Variants in SLC25A18 observed in about 807,000 individuals in gnomAD.
SLC25A18 encodes the protein mitochondrial glutamate carrier 2.
Under a neutral mutation model 31.1 loss-of-function variants are expected in SLC25A18, and 24 were observed. That is an observed-to-expected ratio of 0.77 (90% confidence interval 0.56 to 1.08). SLC25A18 has a LOEUF of 1.08. Ranked by LOEUF, SLC25A18 falls within the 50% of genes least tolerant of loss-of-function variation. The pLI is 0.00. For missense variants in SLC25A18, 371 were observed against 418.5 expected, an observed-to-expected ratio of 0.89 and a Z score of 0.99; for synonymous variants, 173 against 161.9, an observed-to-expected ratio of 1.07 and a Z score of -0.52.
At chr22:17,587,879 C>G in intron 8 of SLC25A18, 46 bp from the exon 9 acceptor site, 1 of 1,612,660 alleles carries the variant, frequency 6.2e-7, no homozygotes, top group Non-Finnish European at 8.5e-7. Flanking sequence ...TGGGTGGCAG[C>G]CCCAGGGCAG....
At chr22:17,577,978 CTTTT>C (rs695375) in intron 2 of SLC25A18, among the ~76,000 whole-genome samples, 1 of 133,662 alleles carries the variant, frequency 7.5e-6, no homozygotes, top group Non-Finnish European at 1.5e-5. Flanking sequence ...CGCCCTGCTT[CTTTT>C]TTTTTTTTTC....
Position 17,587,263 on chromosome 22 carries a change from G to A in SLC25A18, c.537G>A (p.Leu179=). The A allele has an allele frequency of 6.2e-7, 1 of 1,613,854 alleles. No individual in the cohort carries two copies. The highest frequency in any genetic ancestry group is 8.5e-7 in the Non-Finnish European group (1 of 1,180,016). ...GGGAGCTGCTCCGCACTCAGGGCCT[G>A]GCTGGGCTCTACAGGGGCCTGGGTG... ...IAWELLRTQG[L]AGLYRGLGAT... The change falls in exon 8 of 11, where the codon CTG becomes CTA. Residue 179 remains leucine, a synonymous_variant. Transcript: ENST00000327451.
At chr22:17,563,854 C>A in intron 1 of SLC25A18, 141 bp downstream of exon 1, 1 of 389,364 alleles carries the variant, frequency 2.6e-6, no homozygotes, top group Non-Finnish European at 3.5e-6. Context: ...AAACTGGACT[C>A]TAGTGAGGTG....
At chr22:17,565,017 G>A (rs2146197096) in intron 1 of SLC25A18, among the ~76,000 whole-genome samples, 1 of 152,202 alleles carries the variant, frequency 6.6e-6, no homozygotes, top group Non-Finnish European at 1.5e-5. Flanking sequence ...CCCTCGGGAT[G>A]CTCTTATTTC....
rs1037065921 is a variant in SLC25A18 at position 17,590,391 on chromosome 22, A to T, written c.*155A>T. 6 of 852,276 alleles carry T rather than the reference A, an allele frequency of 7.0e-6. No individual in the cohort carries two copies. Among genetic ancestry groups the T allele is most frequent in the African/African-American group, 5.1e-5 (3 of 59,054 alleles). 52.8% of individuals were successfully genotyped at this position (852,276 alleles called of 1,614,324 possible). On this transcript the variant is annotated 3_prime_UTR_variant, in exon 11 of 11. Coordinates refer to ENST00000327451, the MANE Select transcript of SLC25A18 (RefSeq NM_031481.3). ...CTCGGGAGAAACAGCCCTATATTCT[A>T]ACAAGTTGAGCACAGCCTTCTTCCC... is the stretch of plus-strand genomic sequence containing the variant.
chr22:17,587,989 G>A lies in SLC25A18; in HGVS notation c.640G>A (p.Glu214Lys), dbSNP rs1048012660. ...FANLNNLGFN[E>K]LAGKASFAHS... Reference sequence around the variant, plus strand: ...CAACCTTAACAACCTGGGGTTCAACGAGCTCGCCGGTAAGGCGTCCTTTGC... The same window carrying A: ...CAACCTTAACAACCTGGGGTTCAACAAGCTCGCCGGTAAGGCGTCCTTTGC... Residue 214 changes from glutamate to lysine, a missense_variant, in exon 9 of 11, where the codon GAG becomes AAG. Coordinates refer to ENST00000327451, the MANE Select transcript of SLC25A18 (RefSeq NM_031481.3). 1.9e-6 allele frequency: 3 copies of A among 1,614,174 alleles called. No individual in the cohort carries two copies. The highest frequency in any genetic ancestry group is 4.5e-5 in the East Asian group (2 of 44,884).
chr22:17,563,943 C>T (rs77238267), intron 1 of SLC25A18, among the ~76,000 whole-genome samples: 1,611 of 152,246 alleles, frequency 0.011, 12 homozygotes, highest in Middle Eastern at 0.02. Context: ...TGCAATCGTA[C>T]CGGGAGGGTG....
At chr22:17,572,815 G>C (rs1473991922) in intron 2 of SLC25A18, among the ~76,000 whole-genome samples, 1 of 150,820 alleles carries the variant, frequency 6.6e-6, no homozygotes, top group African/African-American at 2.5e-5. Context: ...CTAATTTTTT[G>C]TATTTTTAGT....
chr22:17,589,748 C>T, intron 10 of SLC25A18, 83 bp downstream of exon 10: 1 of 1,293,202 alleles, frequency 7.7e-7, no homozygotes, highest in Non-Finnish European at 1.1e-6. Flanking sequence ...TAGAGACCAA[C>T]TTGAATTGCT....
chr22:17,571,939 C>T (rs2057098511), intron 2 of SLC25A18, among the ~76,000 whole-genome samples: 1 of 151,838 alleles, frequency 6.6e-6, no homozygotes, highest in African/African-American at 2.4e-5. Context: ...ATCGCTTGAA[C>T]CTAGGAGGCG....
rs2057686326 is a variant in SLC25A18, at chr22:17,590,495, C to CA, written c.*264dup. 1 of 387,006 alleles carries CA rather than the reference C, an allele frequency of 2.6e-6. No homozygotes were observed. 24.0% of individuals were successfully genotyped at this position (387,006 alleles called of 1,614,324 possible). ...AAGCCCCTAACCACCTACTTTTCAACAAAAATGGTACTTTCGTTGTATTAA... is the reference window on the plus strand; with the variant it reads ...AAGCCCCTAACCACCTACTTTTCAACAAAAAATGGTACTTTCGTTGTATTAA... On this transcript the variant is annotated 3_prime_UTR_variant, in exon 11 of 11. Transcript: ENST00000327451.
chr22:17,581,570 C>A, intron 5 of SLC25A18, 157 bp downstream of exon 5: 1 of 767,282 alleles, frequency 1.3e-6, no homozygotes, highest in Non-Finnish European at 2.1e-6. Context: ...ACAGAGGCAG[C>A]TCTGGGTCCT....
intron 2 of SLC25A18, among the ~76,000 whole-genome samples, chr22:17,572,416 T>A (rs1464074583): frequency 7.3e-6 from 1 of 137,072 alleles, no homozygotes; most frequent in Non-Finnish European, 1.6e-5. Context: ...ACTCTGGAGG[T>A]GAAGGTTGCA....
chr22:17,580,584 C>T, intron 3 of SLC25A18: 1 of 992,208 alleles, frequency 1.0e-6, no homozygotes, highest in Non-Finnish European at 1.2e-6. Flanking sequence ...TAGTCCTCAG[C>T]AACCCTGGAG....
intron 1 of SLC25A18, among the ~76,000 whole-genome samples, chr22:17,565,361 G>A (rs1310631325): frequency 2.0e-5 from 3 of 152,022 alleles, no homozygotes; most frequent in Admixed American, 6.5e-5. Flanking sequence ...GATTACAGGC[G>A]TGAGCCACCA....
Position 17,579,746 on chromosome 22 carries a change from G to A in SLC25A18, c.-199G>A. ...AGTGTTTCTCTGACTACTTTGCAGG[G>A]GAGGAAGCCGCAGCCCAAGGAGGTC... On this transcript the variant is annotated splice_region_variant and 5_prime_UTR_variant, in exon 3 of 11. Coordinates refer to ENST00000327451, the MANE Select transcript of SLC25A18 (RefSeq NM_031481.3). The A allele has an allele frequency of 1.4e-6, 2 of 1,389,224 alleles. No individual in the cohort carries two copies. Among genetic ancestry groups the A allele is most frequent in the Non-Finnish European group, 1.9e-6 (2 of 1,073,208 alleles). 86.1% of individuals were successfully genotyped at this position (1,389,224 alleles called of 1,614,324 possible).
At chr22:17,566,802 C>T (rs574986833) in intron 1 of SLC25A18, among the ~76,000 whole-genome samples, 12 of 152,260 alleles carry the variant, frequency 7.9e-5, no homozygotes, top group East Asian at 1.9e-4. Context: ...TGAACTGTCC[C>T]GTCGGGTCCC....
intron 2 of SLC25A18, among the ~76,000 whole-genome samples, chr22:17,571,146 C>T (rs1382245876): frequency 3.3e-5 from 5 of 152,150 alleles, no homozygotes; most frequent in African/African-American, 7.2e-5. Context: ...TCCCGAGAGC[C>T]GTGGGAAGGC....
At chr22:17,576,508 C>A (rs1215998611) in intron 2 of SLC25A18, among the ~76,000 whole-genome samples, 2 of 152,164 alleles carry the variant, frequency 1.3e-5, no homozygotes, top group Non-Finnish European at 2.9e-5. Flanking sequence ...CAACAAATAT[C>A]TGTAGCGTGA....
Sources: gnomAD v4.1 joint callset for allele counts (sites outside exome capture counted in the v4.1 genomes callset) on GRCh38, gnomAD v4.1.1 for gene constraint, MANE v1.5 for transcripts, NCBI Gene and HGNC (gene_info 2026-07-23, HGNC 2026-07-21) for gene names.